TSPAN16: variants seen among roughly 807,000 people sequenced by gnomAD.
TSPAN16 encodes tetraspanin 16.
TSPAN16 carries 23 observed loss-of-function variants against 25.2 expected under a neutral mutation model. That is an observed-to-expected ratio of 0.91 (90% confidence interval 0.66 to 1.29). TSPAN16 has a LOEUF of 1.29. Ranked by LOEUF, TSPAN16 falls within the 50% of genes most tolerant of loss-of-function variation. TSPAN16 has a pLI of 0.00. For missense variants in TSPAN16, 272 were observed against 299.9 expected (o/e 0.91, Z 0.69); for synonymous variants, 123 against 124.4 (o/e 0.99, Z 0.08).
chr19:11,313,358 A>G (rs2080713236), intron 6 of TSPAN16, among the ~76,000 whole-genome samples: 1 of 152,034 alleles, frequency 6.6e-6, no homozygotes, highest in African/African-American at 2.4e-5. Context: ...CTAAAAATAA[A>G]AAAATTAGCT....
intron 6 of TSPAN16, chr19:11,322,748 T>G (rs1482326709): frequency 1.3e-5 from 2 of 152,218 alleles, no homozygotes; most frequent in Non-Finnish European, 1.5e-5. Context: ...TGAAGTTGAA[T>G]TCTTGAAAAA....
chr19:11,302,660 CATATATATAT>C (rs772111584), intron 4 of TSPAN16, among the ~76,000 whole-genome samples: 1 of 97,848 alleles, frequency 1.0e-5, no homozygotes, highest in African/African-American at 5.3e-5. Context: ...TATACACATA[CATATATATAT>C]ATATATATAC....
chr19:11,321,659 C>T (rs769714638), intron 6 of TSPAN16, among the ~76,000 whole-genome samples: 1 of 152,040 alleles, frequency 6.6e-6, no homozygotes, highest in Non-Finnish European at 1.5e-5. Flanking sequence ...TGTGGGGAGG[C>T]CAGTGGAGAG....
At position 11,298,965 on chromosome 19, in the gene TSPAN16, C is replaced by T. The variant is rs755402432; in HGVS notation, c.342+19C>T. On this transcript the variant is annotated intron_variant, in intron 3 of 6. Transcript: ENST00000590327. ...TCCAATTGTAAGTACAGCCCTGCTC[C>T]TCCCACATAGCATTAGAAAGATAAA... 1.2e-6 allele frequency: 2 copies of T among 1,610,912 alleles called. No homozygotes were observed. The highest frequency in any genetic ancestry group is 1.7e-5 in the Admixed American group (1 of 59,928).
intron 1 of TSPAN16, among the ~76,000 whole-genome samples, chr19:11,297,688 G>C (rs1021826810): frequency 1.3e-5 from 2 of 152,068 alleles, no homozygotes; most frequent in African/African-American, 4.8e-5. Context: ...GTAGAGACAG[G>C]GTTTCGCCAT....
At chr19:11,319,602 C>CAAACA (rs993288029), downstream of TSPAN16, among the ~76,000 whole-genome samples, 539 of 151,216 alleles carry the variant, frequency 3.6e-3, 4 homozygotes, top group African/African-American at 0.012. Context: ...TGTCTCAAAA[C>CAAACA]AAACAAAACA....
chr19:11,308,863 C>G (rs1242620582), intron 5 of TSPAN16, among the ~76,000 whole-genome samples: 4 of 152,048 alleles, frequency 2.6e-5, no homozygotes, highest in African/African-American at 9.7e-5. Flanking sequence ...CCCACCTCAG[C>G]CTCCCAAAGT....
chr19:11,297,556 G>A (rs2080492609), intron 1 of TSPAN16, among the ~76,000 whole-genome samples: 1 of 151,194 alleles, frequency 6.6e-6, no homozygotes, highest in Admixed American at 6.6e-5. Context: ...GAGTGCAGTG[G>A]CATGATCTCA....
At chr19:11,304,125 G>A (rs2080600173) in intron 4 of TSPAN16, among the ~76,000 whole-genome samples, 1 of 151,568 alleles carries the variant, frequency 6.6e-6, no homozygotes, top group African/African-American at 2.4e-5. Context: ...TGAGTGTGAG[G>A]TGGTGAGACT....
Position 11,301,285 on chromosome 19 carries a change from C to T in TSPAN16, c.427C>T (p.Gln143Ter), listed in dbSNP as rs545360585. The change falls in exon 4 of 7, where the codon CAG becomes TAG. Residue 143 changes from glutamine to a stop codon, truncating the protein, a stop_gained. Transcript: ENST00000590327. LOFTEE classifies it high-confidence loss of function. Reference protein sequence around the residue: ...GYNEPDDYSTQWNLVMEKLKC... With the variant: ...GYNEPDDYST ...CAACGAGCCAGACGACTATTCTACA[C>T]AGTGGAACTTGGTCATGGAGAAGGT... The T allele has an allele frequency of 1.2e-6, 2 of 1,613,608 alleles. No homozygotes were observed. Among genetic ancestry groups the T allele is most frequent in the Non-Finnish European group, 1.7e-6 (2 of 1,179,828 alleles).
downstream of TSPAN16, among the ~76,000 whole-genome samples, chr19:11,316,428 A>G (rs2147958901): frequency 6.6e-6 from 1 of 152,072 alleles, no homozygotes; most frequent in East Asian, 1.9e-4. Context: ...CCAGTTTTGT[A>G]AATTATTCTG....
chr19:11,312,120 T>G lies in TSPAN16; in HGVS notation c.604-19T>G, dbSNP rs2147953001. 6.2e-7 allele frequency: 1 copy of G among 1,605,100 alleles called. No homozygotes were observed. On this transcript the variant is annotated intron_variant, in intron 5 of 6. Transcript: ENST00000590327. ...AGCCCCTAACCACCTCCTGCTTGTTTTGGTGTTTGTTTCCTCAGGGCTGTT... is the reference window on the plus strand; with the variant it reads ...AGCCCCTAACCACCTCCTGCTTGTTGTGGTGTTTGTTTCCTCAGGGCTGTT...
chr19:11,300,802 C>T (rs1388463216), intron 3 of TSPAN16: 4 of 160,242 alleles, frequency 2.5e-5, no homozygotes, highest in Non-Finnish European at 5.5e-5. Flanking sequence ...ATTTTTTAAA[C>T]CTTTATTTAA....
intron 6 of TSPAN16, chr19:11,325,737 T>G (rs756960449): frequency 1.5e-6 from 1 of 670,788 alleles, no homozygotes; most frequent in Non-Finnish European, 2.5e-6. Context: ...AAGCCTCAGT[T>G]TGCTCACCTG....
Position 11,298,320 on chromosome 19 carries a change from G to A in TSPAN16, c.248G>A (p.Ser83Asn). Reference protein sequence around the residue: ...CAGWYGATKESRGTLLFCILS... With the variant: ...CAGWYGATKENRGTLLFCILS... ...GGGTGGTATGGAGCGACTAAAGAGA[G>A]CAGAGGCACGCTCTTGTTTGTAAGT... The change falls in exon 2 of 7, where the codon AGC becomes AAC. Residue 83 changes from serine to asparagine, a missense_variant. Ser to Asn is a conservative substitution (Grantham distance 46). Coordinates refer to ENST00000590327, the MANE Select transcript of TSPAN16 (RefSeq NM_001282509.2). 1 of 1,613,984 alleles carries A rather than the reference G, an allele frequency of 6.2e-7. No homozygotes were observed. The highest frequency in any genetic ancestry group is 1.1e-5 in the South Asian group (1 of 91,070).
chr19:11,322,587 T>A (rs960619771), intron 6 of TSPAN16: 2 of 152,158 alleles, frequency 1.3e-5, no homozygotes, highest in Admixed American at 1.3e-4. Flanking sequence ...TGCAAAAACA[T>A]CAGTTTTCAG....
chr19:11,306,005 C>G (rs529942128), intron 4 of TSPAN16, among the ~76,000 whole-genome samples: 1 of 152,096 alleles, frequency 6.6e-6, no homozygotes, highest in Non-Finnish European at 1.5e-5. Flanking sequence ...CGGTGGCTCA[C>G]GCCGCTAATC....
chr19:11,312,037 T>G, intron 5 of TSPAN16, 102 bp from the exon 6 acceptor site: 1 of 834,428 alleles, frequency 1.2e-6, no homozygotes, highest in Non-Finnish European at 1.9e-6. Flanking sequence ...CCTCAAAGAA[T>G]CTGAGAGTCG....
chr19:11,320,688 G>A (rs1446997104), downstream of TSPAN16, among the ~76,000 whole-genome samples: 5 of 145,982 alleles, frequency 3.4e-5, no homozygotes, highest in African/African-American at 5.2e-5. Flanking sequence ...AAAAAAAAAA[G>A]AAAAGAAAAG....
Sources: gnomAD v4.1 joint callset for allele counts (sites outside exome capture counted in the v4.1 genomes callset) on GRCh38, gnomAD v4.1.1 for gene constraint, MANE v1.5 for transcripts, NCBI Gene and HGNC (gene_info 2026-07-23, HGNC 2026-07-21) for gene names.